The following STAG1 variants were observed in gnomAD, a reference collection of about 807,000 sequenced individuals.
The protein encoded by STAG1 is cohesin subunit SA-1.
STAG1 carries 26 observed loss-of-function variants against 170.9 expected under a neutral mutation model. The observed-to-expected ratio is 0.15, with a 90% confidence interval of 0.11 to 0.21. The LOEUF (loss-of-function observed/expected upper bound fraction) is 0.21. Among genes scored for constraint, STAG1 ranks in the 10% least tolerant of loss-of-function variants. STAG1 has a pLI of 1.00. For synonymous variants in STAG1, 514 were observed against 497.7 expected (o/e 1.03, Z -0.44); for missense variants, 964 against 1,509.5 (o/e 0.64, Z 5.99).
chr3:136,664,468 C>T (rs931954874), intron 1 of STAG1, among the ~76,000 whole-genome samples: 1 of 152,070 alleles, frequency 6.6e-6, no homozygotes, highest in African/African-American at 2.4e-5. Context: ...ATTATTTTAG[C>T]AATTGGGGGT....
At chr3:136,656,732 G>C (rs1387876028) in intron 1 of STAG1, among the ~76,000 whole-genome samples, 2 of 151,744 alleles carry the variant, frequency 1.3e-5, no homozygotes, top group Admixed American at 6.6e-5. Flanking sequence ...CTTTGAATGA[G>C]TCAATTACTG....
At chr3:136,748,305 G>A (rs1329540031) in intron 1 of STAG1, among the ~76,000 whole-genome samples, 4 of 151,984 alleles carry the variant, frequency 2.6e-5, no homozygotes, top group African/African-American at 9.6e-5. Context: ...GGAGGCTGAG[G>A]CACGCGAATC....
Position 136,464,943 on chromosome 3 carries a change from G to A in STAG1, c.1251C>T (p.Tyr417=). ...ALSNEDCENV[Y]HLVYSAHRPV... is the part of the protein sequence containing the mutation. ...GGCGATGTGCCGAGTACACCAAGTG[G>A]TAAACATTTTCACAGTCTTCATTGG... is the stretch of plus-strand genomic sequence containing the variant. Residue 417 remains tyrosine, a synonymous_variant, in exon 13 of 34, where the codon TAC becomes TAT. Coordinates refer to ENST00000383202, the MANE Select transcript of STAG1 (RefSeq NM_005862.3). 2 of 1,612,412 alleles carry A rather than the reference G, an allele frequency of 1.2e-6. No homozygotes were observed. Among genetic ancestry groups the A allele is most frequent in the Non-Finnish European group, 1.7e-6 (2 of 1,179,286 alleles).
rs143908613 is a variant in STAG1, at chr3:136,410,702, G to T, written c.2196+7183C>A. 4.1e-3 allele frequency among the ~76,000 whole-genome samples: 630 copies of T among 152,298 alleles called. 5 individuals are homozygous for T. Among genetic ancestry groups the T allele is most frequent in the African/African-American group, 0.014 (602 of 41,562 alleles). Reference sequence around the variant, plus strand: ...TAAAAGACTTAAAATACACCAGCCTGGTGGCTCCCTCCTGTAATCTCAGCA... The same window carrying T: ...TAAAAGACTTAAAATACACCAGCCTTGTGGCTCCCTCCTGTAATCTCAGCA... On this transcript the variant is annotated intron_variant, in intron 21 of 33. Coordinates refer to ENST00000383202, the MANE Select transcript of STAG1 (RefSeq NM_005862.3).
intron 16 of STAG1, among the ~76,000 whole-genome samples, chr3:136,430,774 A>G (rs1048392003): frequency 6.7e-6 from 1 of 149,246 alleles, no homozygotes; most frequent in African/African-American, 2.5e-5. Flanking sequence ...TGTTCTTTCA[A>G]GGAAATTAAG....
At chr3:136,738,449 C>A (rs750645962) in intron 1 of STAG1, among the ~76,000 whole-genome samples, 4 of 152,176 alleles carry the variant, frequency 2.6e-5, no homozygotes, top group Admixed American at 6.5e-5. Context: ...CAAAATCGCA[C>A]CACTGCCTTC....
At chr3:136,684,407 A>C (rs923371585) in intron 1 of STAG1, among the ~76,000 whole-genome samples, 2 of 152,194 alleles carry the variant, frequency 1.3e-5, no homozygotes, top group African/African-American at 4.8e-5. Context: ...TTGACAAAGA[A>C]GCAAAGGTAA....
rs1206220986 is a variant in STAG1, at chr3:136,735,205, A to T, written c.-84+16990T>A. Among the ~76,000 whole-genome samples the T allele has an allele frequency of 7.3e-5, 11 of 150,968 alleles. No homozygotes were observed. The South Asian group carries it at 1.9e-3, about 26-fold the overall frequency. ...TGACCTCGGCTCACTACAACCTTAC[A>T]ACCTTGACCTCCTGGGTTCAAGCCA... On this transcript the variant is annotated intron_variant, in intron 1 of 33. Coordinates refer to ENST00000383202, the MANE Select transcript of STAG1 (RefSeq NM_005862.3).
At chr3:136,638,208 A>G (rs1940653334) in intron 1 of STAG1, among the ~76,000 whole-genome samples, 2 of 150,364 alleles carry the variant, frequency 1.3e-5, no homozygotes, top group South Asian at 2.1e-4. Context: ...ATCTCAGCTC[A>G]CTGCAATCTC....
At chr3:136,444,032 C>T (rs2088706278) in intron 14 of STAG1, among the ~76,000 whole-genome samples, 1 of 152,128 alleles carries the variant, frequency 6.6e-6, no homozygotes, top group Non-Finnish European at 1.5e-5. Flanking sequence ...ACACTTCACA[C>T]CAAACTCTAC....
intron 1 of STAG1, among the ~76,000 whole-genome samples, chr3:136,715,221 C>T (rs1401762075): frequency 4.1e-5 from 6 of 147,166 alleles, no homozygotes; most frequent in African/African-American, 1.5e-4. Flanking sequence ...CTATGTTACT[C>T]AAGCTAGTCT....
intron 5 of STAG1, among the ~76,000 whole-genome samples, chr3:136,546,088 T>C (rs540385159): frequency 1.1e-3 from 172 of 152,290 alleles, no homozygotes; most frequent in Non-Finnish European, 1.8e-3. Context: ...GCCATGCTAG[T>C]ATAGCCCAGG....
At chr3:136,443,668 C>A (rs954223970) in intron 14 of STAG1, among the ~76,000 whole-genome samples, 1 of 152,146 alleles carries the variant, frequency 6.6e-6, no homozygotes, top group Non-Finnish European at 1.5e-5. Context: ...GGAAACAGAG[C>A]ATAGCTAGTT....
chr3:136,349,225 G>A lies in STAG1; in HGVS notation c.3204C>T (p.Ser1068=). Reference sequence around the variant, plus strand: ...TCCTTACTGATGAGGTTTTGCTGCTGCTACTTCCACTGTTCACAGACATTC... The same window carrying A: ...TCCTTACTGATGAGGTTTTGCTGCTACTACTTCCACTGTTCACAGACATTC... The part of the protein sequence containing the change: ...DDRMSVNSGS[S]SSKTSSVRNK... Residue 1068 remains serine (S), a synonymous_variant, in exon 29 of 34, where the codon AGC becomes AGT. Transcript: ENST00000383202. 1 of 1,614,066 alleles carries A rather than the reference G, an allele frequency of 6.2e-7. No individual in the cohort carries two copies. The highest frequency in any genetic ancestry group is 8.5e-7 in the Non-Finnish European group (1 of 1,179,972).
chr3:136,485,352 G>T (rs1209935059), intron 9 of STAG1, among the ~76,000 whole-genome samples: 1 of 152,072 alleles, frequency 6.6e-6, no homozygotes, highest in African/African-American at 2.4e-5. Flanking sequence ...AGCTACTCGA[G>T]AGGCTGAGGC....
intron 13 of STAG1, among the ~76,000 whole-genome samples, chr3:136,456,400 C>T (rs1380307274): frequency 2.0e-5 from 3 of 152,042 alleles, no homozygotes; most frequent in Non-Finnish European, 4.4e-5. Context: ...CAACAGCAAA[C>T]TTGACCAAAC....
chr3:136,737,924 C>T lies in STAG1; in HGVS notation c.-84+14271G>A, dbSNP rs555587947. ...CTCTACTAAAAATACAAAAATTAGC[C>T]GGGCATGGTGGTGTGCACTGGTAAT... On this transcript the variant is annotated intron_variant, in intron 1 of 33. Coordinates refer to ENST00000383202, the MANE Select transcript of STAG1 (RefSeq NM_005862.3). Among the ~76,000 whole-genome samples the T allele has an allele frequency of 4.7e-5, 7 of 150,454 alleles. No homozygotes were observed. In the East Asian group the frequency reaches 1.0e-3, roughly 22 times the overall value.
intron 1 of STAG1, among the ~76,000 whole-genome samples, chr3:136,634,613 GA>G (rs71157395): frequency 0.22 from 24,992 of 112,712 alleles, 2,324 homozygotes; most frequent in South Asian, 0.27. Flanking sequence ...AGCTTTTAGG[GA>G]AAAAAAAAAA....
chr3:136,374,237 CT>C (rs1937497038), intron 23 of STAG1, among the ~76,000 whole-genome samples: 1 of 151,890 alleles, frequency 6.6e-6, no homozygotes, highest in Admixed American at 6.6e-5. Context: ...ATGTGTGTGC[CT>C]GCATGTGAGA....
Sources: allele counts gnomAD v4.1 joint callset (sites outside exome capture counted in the v4.1 genomes callset), GRCh38; gene constraint gnomAD v4.1.1; transcripts MANE v1.5; gene names NCBI Gene and HGNC (gene_info 2026-07-23, HGNC 2026-07-21).